The following PPEF2 variants were observed in gnomAD, a reference collection of about 807,000 sequenced individuals.
The protein encoded by PPEF2 is protein phosphatase with EF-hand domain 2.
PPEF2 carries 84 observed loss-of-function variants against 84.7 expected under a neutral mutation model. The observed-to-expected ratio is 0.99, with a 90% CI of 0.83 to 1.19. The LOEUF is 1.19. PPEF2 is among the 50% of genes most tolerant of loss of function. PPEF2 has a pLI of 0.00. For synonymous variants in PPEF2, 346 were observed against 345.2 expected, an observed-to-expected ratio of 1.00 and a Z score of -0.03; for missense variants, 924 against 937.5, an observed-to-expected ratio of 0.99 and a Z score of 0.19.
intron 16 of PPEF2, among the ~76,000 whole-genome samples, chr4:75,862,948 G>A (rs981888057): frequency 6.6e-6 from 1 of 152,172 alleles, no homozygotes; most frequent in Non-Finnish European, 1.5e-5. Flanking sequence ...TCCACACAGT[G>A]GAATATTATT....
At chr4:75,883,457 A>G in intron 8 of PPEF2, 1 of 509,218 alleles carries the variant, frequency 2.0e-6, no homozygotes, top group Non-Finnish European at 3.5e-6. Context: ...TATTTATATG[A>G]TAGAGTATGT....
At chr4:75,864,619 T>C in intron 15 of PPEF2, 92 bp from the exon 16 acceptor site, 1 of 1,037,340 alleles carries the variant, frequency 9.6e-7, no homozygotes, top group Non-Finnish European at 1.5e-6. Context: ...CAATCACACA[T>C]TCTTGAAAAA....
chr4:75,891,612 G>A (rs745966690), intron 4 of PPEF2, 36 bp downstream of exon 4: 11 of 1,573,142 alleles, frequency 7.0e-6, no homozygotes, highest in East Asian at 2.2e-5. Context: ...ATGGCCTTGC[G>A]ACAGGAGGAC....
At chr4:75,882,902 T>C in intron 10 of PPEF2, 24 bp downstream of exon 10, 1 of 1,594,212 alleles carries the variant, frequency 6.3e-7, no homozygotes. Flanking sequence ...ATGGTGAAAT[T>C]TGTATTATTT....
At chr4:75,891,450 GCGTCCAAAC>G (rs1724879782) in intron 4 of PPEF2, among the ~76,000 whole-genome samples, 189 bp downstream of exon 4, 1 of 151,812 alleles carries the variant, frequency 6.6e-6, no homozygotes, top group African/African-American at 2.4e-5. Flanking sequence ...TGAATTCCTT[GCGTCCAAAC>G]TCTTGTCTCC....
chr4:75,868,566 C>T (rs7685710), intron 13 of PPEF2, among the ~76,000 whole-genome samples: 17,552 of 151,750 alleles, frequency 0.12, 3,347 homozygotes, highest in African/African-American at 0.4. Flanking sequence ...CATGGTGGCA[C>T]GTGCCTATGG....
At chr4:75,878,368 C>T (rs577054369) in intron 10 of PPEF2, among the ~76,000 whole-genome samples, 7 of 152,256 alleles carry the variant, frequency 4.6e-5, no homozygotes, top group East Asian at 3.9e-4. Flanking sequence ...TGGTGAACCC[C>T]GAGGGGGAAG....
chr4:75,898,034 T>G (rs958929428), intron 1 of PPEF2, among the ~76,000 whole-genome samples: 7 of 152,228 alleles, frequency 4.6e-5, no homozygotes, highest in African/African-American at 1.7e-4. Context: ...AAAGTATCCC[T>G]TATGGGAAAC....
In PPEF2 at chr4:75,891,572, C is replaced by T. The variant is rs565993107; in HGVS notation, c.241+76G>A. 54 of 1,470,184 alleles carry T rather than the reference C, an allele frequency of 3.7e-5. No individual in the cohort carries two copies. In the East Asian group the frequency reaches 1.2e-3, roughly 32 times the overall value. 91.1% of individuals were successfully genotyped at this position (1,470,184 alleles called of 1,614,324 possible). The stretch of plus-strand genomic sequence containing the variant: ...GTCACCAGATTCACGGTTTCACTCC[C>T]TGTGCATCCCCCACCTCACCGTGTA... On this transcript the variant is annotated intron_variant, in intron 4 of 16. Coordinates refer to ENST00000286719, the MANE Select transcript of PPEF2 (RefSeq NM_006239.3).
intron 1 of PPEF2, among the ~76,000 whole-genome samples, chr4:75,899,271 C>A (rs1447281581): frequency 6.6e-6 from 1 of 152,114 alleles, no homozygotes; most frequent in African/African-American, 2.4e-5. Context: ...GATGGGCATA[C>A]AGGTTGATTC....
intron 4 of PPEF2, among the ~76,000 whole-genome samples, chr4:75,891,367 G>A (rs1724877500): frequency 6.6e-6 from 1 of 152,048 alleles, no homozygotes; most frequent in Non-Finnish European, 1.5e-5. Flanking sequence ...TGAGTTGCTG[G>A]ACTGGCTGCG....
intron 2 of PPEF2, 32 bp from the exon 3 acceptor site, chr4:75,892,010 G>A: frequency 1.2e-6 from 2 of 1,606,006 alleles, no homozygotes; most frequent in South Asian, 1.1e-5. Flanking sequence ...AAGCCTGTGA[G>A]CTCGGACTCC....
At chr4:75,888,655 T>C (rs1476917643) in intron 5 of PPEF2, among the ~76,000 whole-genome samples, 1 of 152,214 alleles carries the variant, frequency 6.6e-6, no homozygotes, top group Non-Finnish European at 1.5e-5. Context: ...GGTGTGTTGA[T>C]GGTACTTAGT....
At chr4:75,867,493 C>T in intron 13 of PPEF2, 74 bp from the exon 14 acceptor site, 1 of 1,105,766 alleles carries the variant, frequency 9.0e-7, no homozygotes, top group Non-Finnish European at 1.3e-6. Flanking sequence ...TACTATATTT[C>T]CACTCTCTCT....
chr4:75,866,229 G>A lies in PPEF2; in HGVS notation c.1880C>T (p.Ser627Phe). The change falls in exon 15 of 17, where the codon TCT becomes TTT. Residue 627 changes from serine to phenylalanine, a missense_variant. Ser to Phe is a radical substitution (Grantham distance 155). Coordinates refer to ENST00000286719, the MANE Select transcript of PPEF2 (RefSeq NM_006239.3). ...SSADNMLEYK[S>F]WLKNLAKEQL... is the part of the protein sequence containing the mutation. ...TTCCTTGGCCAAGTTCTTCAGCCAA[G>A]ACTTGTACTCCAGCATGTTGTCTGC... 1 of 1,614,030 alleles carries A rather than the reference G, an allele frequency of 6.2e-7. No individual in the cohort carries two copies. Among genetic ancestry groups the A allele is most frequent in the Non-Finnish European group, 8.5e-7 (1 of 1,179,990 alleles).
intron 13 of PPEF2, 106 bp from the exon 14 acceptor site, chr4:75,867,525 A>C (rs1724161336): frequency 2.4e-6 from 2 of 833,774 alleles, no homozygotes; most frequent in African/African-American, 1.8e-5. Context: ...TCAGTCTCCC[A>C]AGAGCTCAGT....
chr4:75,863,912 G>A (rs565311708), intron 16 of PPEF2, among the ~76,000 whole-genome samples: 15 of 145,578 alleles, frequency 1.0e-4, no homozygotes, highest in Admixed American at 3.5e-4. Flanking sequence ...TCACTCTGTC[G>A]CCGAGGCTGG....
chr4:75,867,441 G>A (rs1368877067), intron 13 of PPEF2, 22 bp from the exon 14 acceptor site: 7 of 1,537,462 alleles, frequency 4.6e-6, no homozygotes, highest in African/African-American at 1.4e-5. Context: ...GATGAAAAGC[G>A]ACATTTTAAC....
chr4:75,880,818 T>TTTTTTG lies in PPEF2; in HGVS notation c.933+2107_933+2108insCAAAAA, dbSNP rs34174332. Among the ~76,000 whole-genome samples the TTTTTTG allele has an allele frequency of 9.7e-5, 13 of 134,050 alleles. 2 individuals carry two copies. The highest frequency in any genetic ancestry group is 2.3e-4 in the South Asian group (1 of 4,304). The allele number at this position is 134,050 out of a possible 152,430, so 87.9% of individuals were successfully genotyped here. On this transcript the variant is annotated intron_variant, in intron 10 of 16. Transcript: ENST00000286719. ...CCCTATAAATACTTTTTTTTTTTTT[T>TTTTTTG]GAGACAGAGTCTCACTCTGTCGCCA... is the stretch of plus-strand genomic sequence containing the variant.
Sources: allele counts gnomAD v4.1 joint callset (sites outside exome capture counted in the v4.1 genomes callset), GRCh38; gene constraint gnomAD v4.1.1; transcripts MANE v1.5; gene names NCBI Gene and HGNC (gene_info 2026-07-23, HGNC 2026-07-21).